Variants in ANK2 observed in about 807,000 individuals in gnomAD.
ANK2 encodes the protein ankyrin 2.
Under a neutral mutation model 360.5 loss-of-function variants are expected in ANK2, and 83 were observed. That is an observed-to-expected ratio of 0.23 (90% CI 0.19 to 0.28). The LOEUF (loss-of-function observed/expected upper bound fraction) is 0.28. Among genes scored for constraint, ANK2 ranks in the 10% least tolerant of loss-of-function variants. The pLI, the probability that ANK2 is intolerant of heterozygous loss-of-function variation, is 1.00. For missense variants in ANK2, 4,201 were observed against 4,795.7 expected, an observed-to-expected ratio of 0.88 and a Z score of 3.66; for synonymous variants, 1,740 against 1,759.5, an observed-to-expected ratio of 0.99 and a Z score of 0.28.
At chr4:112,789,366 C>A in the ANK2 span, among the ~76,000 whole-genome samples, 481 of 152,246 alleles carry the variant, frequency 3.2e-3, 9 homozygotes, top group Non-Finnish European at 6.5e-4. Flanking sequence ...AAAGTGGTAC[C>A]TGATGACTAG....
At chr4:112,792,033 CTTTTTTTTTT>C in the ANK2 span, among the ~76,000 whole-genome samples, 6 of 65,996 alleles carry the variant, frequency 9.1e-5, no homozygotes, top group South Asian at 6.0e-4. Flanking sequence ...CACATCCTTT[CTTTTTTTTTT>C]TTTTTTTTTT....
chr4:113,083,963 A>G (rs1161309262), intron 1 of ANK2, among the ~76,000 whole-genome samples: 1 of 152,174 alleles, frequency 6.6e-6, no homozygotes. Flanking sequence ...CATAAAATCT[A>G]GTGGAATCGT....
At chr4:113,322,920 C>T (rs556606191) in intron 26 of ANK2, among the ~76,000 whole-genome samples, 2 of 151,498 alleles carry the variant, frequency 1.3e-5, no homozygotes, top group African/African-American at 2.4e-5. Context: ...TTTTTAGATA[C>T]GTGAAGGTAA....
intron 2 of ANK2, among the ~76,000 whole-genome samples, chr4:112,954,581 A>T (rs1162276640): frequency 2.0e-5 from 3 of 152,208 alleles, no homozygotes; most frequent in Non-Finnish European, 2.9e-5. Context: ...CTAAACTAGC[A>T]ATTCCTGGGT....
At chr4:113,211,322 G>A (rs539435829) in intron 4 of ANK2, among the ~76,000 whole-genome samples, 1 of 152,268 alleles carries the variant, frequency 6.6e-6, no homozygotes, top group Non-Finnish European at 1.5e-5. Flanking sequence ...CTTGAGAGGT[G>A]GCAGCTCTTT....
the ANK2 span, among the ~76,000 whole-genome samples, chr4:112,777,361 C>T: frequency 1.3e-5 from 2 of 151,922 alleles, no homozygotes; most frequent in Admixed American, 6.6e-5. Context: ...GCCTCAGCCT[C>T]CTGAATAGCT....
intron 1 of ANK2, among the ~76,000 whole-genome samples, chr4:112,903,586 G>A (rs1167051949): frequency 6.6e-6 from 1 of 152,158 alleles, no homozygotes; most frequent in Non-Finnish European, 1.5e-5. Context: ...GTGGCTTAAT[G>A]ATACCAGAGG....
chr4:113,245,888 C>G (rs1005446038), intron 9 of ANK2, among the ~76,000 whole-genome samples: 1 of 151,934 alleles, frequency 6.6e-6, no homozygotes, highest in Non-Finnish European at 1.5e-5. Flanking sequence ...CACCGCAACC[C>G]CCACCTCACT....
At chr4:112,837,608 T>G (rs993657347) in intron 1 of ANK2, among the ~76,000 whole-genome samples, 1 of 152,216 alleles carries the variant, frequency 6.6e-6, no homozygotes, top group East Asian at 1.9e-4. Flanking sequence ...GGCTGTACCC[T>G]GCAGAGCCAC....
At chr4:113,229,057 A>G (rs774367474) in intron 4 of ANK2, among the ~76,000 whole-genome samples, 8 of 152,198 alleles carry the variant, frequency 5.3e-5, no homozygotes, top group African/African-American at 1.4e-4. Flanking sequence ...GGACACACCA[A>G]CCTGCACATA....
chr4:112,746,423 G>A, the ANK2 span, among the ~76,000 whole-genome samples: 1 of 150,584 alleles, frequency 6.6e-6, no homozygotes, highest in Non-Finnish European at 1.5e-5. Flanking sequence ...CAGGAGAATC[G>A]CTTGAACACG....
intron 2 of ANK2, among the ~76,000 whole-genome samples, chr4:113,194,552 A>G (rs1475898377): frequency 6.6e-6 from 1 of 152,190 alleles, no homozygotes. Context: ...AACAAAAAAG[A>G]TAACTTTGTT....
At chr4:113,052,090 G>A (rs1335594979) in intron 1 of ANK2, among the ~76,000 whole-genome samples, 1 of 152,092 alleles carries the variant, frequency 6.6e-6, no homozygotes, top group African/African-American at 2.4e-5. Flanking sequence ...AAAAATCATT[G>A]AGATTTACAT....
chr4:112,774,522 G>A, the ANK2 span, among the ~76,000 whole-genome samples: 7 of 152,258 alleles, frequency 4.6e-5, no homozygotes, highest in East Asian at 5.8e-4. Flanking sequence ...GCGAGACTCC[G>A]TCTCAAAAAT....
the ANK2 span, chr4:112,788,939 A>G: frequency 3.0e-4 from 184 of 610,816 alleles, no homozygotes; most frequent in African/African-American, 2.9e-3. Context: ...CATCATCTCA[A>G]ATACAGCATA....
At chr4:113,010,782 T>G (rs1310236314) in intron 2 of ANK2, among the ~76,000 whole-genome samples, 1 of 152,112 alleles carries the variant, frequency 6.6e-6, no homozygotes, top group African/African-American at 2.4e-5. Context: ...CTGTCCTCTT[T>G]CCCACTAGAT....
At chr4:112,840,795 G>A (rs2061924455) in intron 1 of ANK2, among the ~76,000 whole-genome samples, 1 of 152,182 alleles carries the variant, frequency 6.6e-6, no homozygotes, top group Non-Finnish European at 1.5e-5. Flanking sequence ...AAACAGAGAA[G>A]TTAAGTAATT....
chr4:112,919,787 G>A (rs1053831880), intron 2 of ANK2, among the ~76,000 whole-genome samples: 9 of 152,046 alleles, frequency 5.9e-5, no homozygotes, highest in African/African-American at 2.2e-4. Context: ...AAATACAAAA[G>A]CGAACTTTAA....
intron 1 of ANK2, among the ~76,000 whole-genome samples, chr4:113,055,735 C>T (rs1398759461): frequency 6.6e-6 from 1 of 152,166 alleles, no homozygotes; most frequent in African/African-American, 2.4e-5. Context: ...GACTCAGAGA[C>T]TACATACAGA....
Sources: allele counts gnomAD v4.1 joint callset (sites outside exome capture counted in the v4.1 genomes callset), GRCh38; gene constraint gnomAD v4.1.1; transcripts MANE v1.5; gene names NCBI Gene and HGNC (gene_info 2026-07-23, HGNC 2026-07-21).